CTNNA3: variants seen among roughly 807,000 people sequenced by gnomAD.
CTNNA3 encodes the protein catenin alpha 3, also known as catenin alpha-3.
In CTNNA3, 76 loss-of-function variants were observed where a neutral mutation model predicts 95.7. The ratio of observed to expected loss-of-function variants is 0.79; its 90% confidence interval spans 0.66 to 0.96. The LOEUF (loss-of-function observed/expected upper bound fraction) is 0.96, where lower values mean the gene tolerates loss of function less well. Ranked by LOEUF, CTNNA3 falls within the 40% of genes least tolerant of loss-of-function variation. CTNNA3 has a pLI of 0.00. For synonymous variants in CTNNA3, 431 were observed against 374.4 expected (o/e 1.15, Z -1.74); for missense variants, 1,191 against 1,089.8 (o/e 1.09, Z -1.31).
At chr10:67,583,088 T>G (rs1304421135) in intron 3 of CTNNA3, among the ~76,000 whole-genome samples, 1 of 152,084 alleles carries the variant, frequency 6.6e-6, no homozygotes, top group Non-Finnish European at 1.5e-5. Flanking sequence ...ATGTGTGAAT[T>G]TGATCCTGCC....
rs549314725 is a variant in CTNNA3, at chr10:66,738,314, T to C, written c.1281+27950A>G. On this transcript the variant is annotated intron_variant, in intron 9 of 17. Coordinates refer to ENST00000433211, the MANE Select transcript of CTNNA3 (RefSeq NM_013266.4). ...GTTGTTCTTTAAGTCACTGACTGCA[T>C]TTCATAGTTAGCTGATTCTGTTTTT... 2.0e-5 allele frequency among the ~76,000 whole-genome samples: 3 copies of C among 152,302 alleles called. No homozygotes were observed. In the East Asian group the frequency reaches 5.8e-4, roughly 29 times the overall value.
chr10:66,694,976 T>TTCAA (rs1164399258), intron 9 of CTNNA3, among the ~76,000 whole-genome samples: 1 of 152,182 alleles, frequency 6.6e-6, no homozygotes, highest in Non-Finnish European at 1.5e-5. Context: ...TTCATTAAGG[T>TTCAA]GATTTCATTT....
intron 7 of CTNNA3, among the ~76,000 whole-genome samples, chr10:66,886,658 T>C (rs1191321799): frequency 6.6e-6 from 1 of 152,196 alleles, no homozygotes; most frequent in Admixed American, 6.5e-5. Context: ...CAAGTGCTAG[T>C]TGACAGGAGC....
At position 67,395,030 on chromosome 10, in the gene CTNNA3, A is replaced by G. The variant is rs189095582; in HGVS notation, c.579+126812T>C. Among the ~76,000 whole-genome samples the G allele has an allele frequency of 1.7e-3, 262 of 152,236 alleles. 1 individual carries two copies. Among genetic ancestry groups the G allele is most frequent in the African/African-American group, 6.1e-3 (253 of 41,566 alleles). ...TTTTTACACTTGCAGATTTTCCCCC[A>G]CCAAATTTATCTTAAATAATTCTTA... is the stretch of plus-strand genomic sequence containing the variant. On this transcript the variant is annotated intron_variant, in intron 5 of 17. Transcript: ENST00000433211.
chr10:67,472,162 GAGAGAA>G (rs999600851), intron 5 of CTNNA3, among the ~76,000 whole-genome samples: 38 of 152,272 alleles, frequency 2.5e-4, no homozygotes, highest in African/African-American at 7.5e-4. Context: ...ACAAACTTTT[GAGAGAA>G]GTTTGATTTA....
intron 17 of CTNNA3, among the ~76,000 whole-genome samples, chr10:65,963,356 C>T (rs993286766): frequency 3.3e-5 from 5 of 152,118 alleles, no homozygotes; most frequent in Admixed American, 2.0e-4. Context: ...CATGTCTTCC[C>T]TATCTCTGTT....
chr10:67,508,158 C>G (rs1162026189), intron 5 of CTNNA3, among the ~76,000 whole-genome samples: 1 of 152,016 alleles, frequency 6.6e-6, no homozygotes, highest in African/African-American at 2.4e-5. Context: ...GGATTACAGG[C>G]CCACACCACC....
chr10:67,503,259 T>C (rs1839289397), intron 5 of CTNNA3, among the ~76,000 whole-genome samples: 1 of 152,158 alleles, frequency 6.6e-6, no homozygotes, highest in Admixed American at 6.5e-5. Context: ...GGTGAAGCAA[T>C]GCCCCACCCT....
intron 7 of CTNNA3, among the ~76,000 whole-genome samples, chr10:66,848,350 A>C (rs1843355719): frequency 1.3e-5 from 2 of 152,190 alleles, no homozygotes; most frequent in Non-Finnish European, 2.9e-5. Context: ...TGATCTAGTC[A>C]GGCTCTGTAC....
chr10:67,671,664 C>G (rs1254111275), intron 1 of CTNNA3, among the ~76,000 whole-genome samples: 1 of 151,770 alleles, frequency 6.6e-6, no homozygotes, highest in Non-Finnish European at 1.5e-5. Context: ...CCAGTTTCAT[C>G]CATGTCCCTA....
intron 7 of CTNNA3, among the ~76,000 whole-genome samples, chr10:66,907,608 G>A (rs990741228): frequency 1.3e-5 from 2 of 152,098 alleles, no homozygotes; most frequent in African/African-American, 4.8e-5. Flanking sequence ...AATATCCCAT[G>A]TTAGGAACTT....
chr10:66,379,483 T>A (rs2092820425), intron 11 of CTNNA3, 131 bp from the exon 12 acceptor site: 1 of 765,184 alleles, frequency 1.3e-6, no homozygotes, highest in South Asian at 1.9e-5. Flanking sequence ...ACTTTGAGAA[T>A]TATAAAAAAA....
chr10:67,259,896 C>G (rs371333734), intron 5 of CTNNA3, among the ~76,000 whole-genome samples: 17 of 152,268 alleles, frequency 1.1e-4, no homozygotes, highest in African/African-American at 3.9e-4. Flanking sequence ...CCCAAACACA[C>G]CTCCTCTACT....
intron 7 of CTNNA3, among the ~76,000 whole-genome samples, chr10:66,854,248 TG>T (rs1440435963): frequency 2.0e-5 from 3 of 152,078 alleles, no homozygotes; most frequent in Non-Finnish European, 1.5e-5. Flanking sequence ...TCACATTACA[TG>T]TGCAATTGAG....
chr10:66,881,957 C>A (rs1267512460), intron 7 of CTNNA3, among the ~76,000 whole-genome samples: 2 of 152,010 alleles, frequency 1.3e-5, no homozygotes, highest in Non-Finnish European at 2.9e-5. Flanking sequence ...CAGGACCTAG[C>A]CTGAAATAGT....
At chr10:65,930,289 C>T (rs1039626474) in intron 17 of CTNNA3, among the ~76,000 whole-genome samples, 13 of 149,178 alleles carry the variant, frequency 8.7e-5, no homozygotes, top group East Asian at 2.0e-4. Flanking sequence ...ATATAGGCAA[C>T]GGAAAAACTA....
intron 9 of CTNNA3, among the ~76,000 whole-genome samples, chr10:66,675,726 T>C (rs1846829642): frequency 6.6e-6 from 1 of 152,114 alleles, no homozygotes; most frequent in South Asian, 2.1e-4. Context: ...AAAAGAGACA[T>C]CCAGCCTGAA....
At chr10:67,620,494 G>A (rs1843793102) in intron 2 of CTNNA3, among the ~76,000 whole-genome samples, 1 of 152,116 alleles carries the variant, frequency 6.6e-6, no homozygotes, top group South Asian at 2.1e-4. Flanking sequence ...TGTTTATATT[G>A]TTGAATCACA....
At chr10:66,501,315 CA>C (rs1027840439) in intron 11 of CTNNA3, among the ~76,000 whole-genome samples, 22 of 152,150 alleles carry the variant, frequency 1.4e-4, no homozygotes, top group African/African-American at 5.3e-4. Flanking sequence ...ATTCAAATAA[CA>C]ATGAAGAATG....
Sources: gnomAD v4.1 joint callset for allele counts (sites outside exome capture counted in the v4.1 genomes callset) on GRCh38, gnomAD v4.1.1 for gene constraint, MANE v1.5 for transcripts, NCBI Gene and HGNC (gene_info 2026-07-23, HGNC 2026-07-21) for gene names.